The following FBN2 variants were observed in gnomAD, a reference collection of about 807,000 sequenced individuals.
The protein encoded by FBN2 is fibrillin-2.
FBN2 carries 105 observed loss-of-function variants against 355.6 expected under a neutral mutation model. That is an observed-to-expected ratio of 0.30 (90% CI 0.25 to 0.35). The LOEUF is 0.35. FBN2 is among the 10% of genes least tolerant of loss of function. FBN2 has a pLI of 1.00. For missense variants in FBN2, 3,280 were observed against 3,758.7 expected, an observed-to-expected ratio of 0.87 and a Z score of 3.33; for synonymous variants, 1,350 against 1,301.2, an observed-to-expected ratio of 1.04 and a Z score of -0.81.
At chr5:128,449,566 T>C (rs761411350) in intron 6 of FBN2, among the ~76,000 whole-genome samples, 2 of 151,006 alleles carry the variant, frequency 1.3e-5, no homozygotes, top group Non-Finnish European at 3.0e-5. Context: ...ATATAGCTAA[T>C]AATCCAACTG....
intron 15 of FBN2, among the ~76,000 whole-genome samples, chr5:128,370,560 T>A (rs550914983): frequency 2.0e-5 from 3 of 152,154 alleles, no homozygotes; most frequent in Admixed American, 1.3e-4. Context: ...TGGCAGTGTA[T>A]CTTCTGAGTT....
At chr5:128,433,971 T>C (rs1203186536) in intron 7 of FBN2, among the ~76,000 whole-genome samples, 1 of 152,148 alleles carries the variant, frequency 6.6e-6, no homozygotes, top group African/African-American at 2.4e-5. Flanking sequence ...TGTTTATTTA[T>C]ATTGATTTTG....
Position 128,419,876 on chromosome 5 carries a change from G to T in FBN2, c.953-11077C>A, listed in dbSNP as rs146720240. 6.5e-3 allele frequency among the ~76,000 whole-genome samples: 991 copies of T among 152,170 alleles called. 8 individuals carry two copies. Among genetic ancestry groups the T allele is most frequent in the African/African-American group, 0.022 (932 of 41,520 alleles). The stretch of plus-strand genomic sequence containing the variant: ...ATGCCTGGCTAATTTTGTATTTTTA[G>T]TAGAGATGAGGTTTCTCCATGTTGG... On this transcript the variant is annotated intron_variant, in intron 7 of 64. Coordinates refer to ENST00000262464, the MANE Select transcript of FBN2 (RefSeq NM_001999.4).
chr5:128,312,243 G>T (rs1261903230), intron 37 of FBN2, among the ~76,000 whole-genome samples: 1 of 152,094 alleles, frequency 6.6e-6, no homozygotes, highest in African/African-American at 2.4e-5. Flanking sequence ...ACAGGCTTTG[G>T]TTCATGTTCA....
chr5:128,276,704 C>T (rs1765402595), intron 58 of FBN2, among the ~76,000 whole-genome samples: 1 of 152,140 alleles, frequency 6.6e-6, no homozygotes, highest in African/African-American at 2.4e-5. Context: ...TCCTCAACTC[C>T]CTCCCTGCAA....
rs760578376 is a variant in FBN2 at position 128,357,423 on chromosome 5, T to C, written c.2555-28A>G. ...ACAATCCAGAAGGAAAAGATTCTGT[T>C]AGAACTGCCATGTGTTTCTGGAAAA... is the stretch of plus-strand genomic sequence containing the variant. On this transcript the variant is annotated intron_variant, in intron 19 of 64. Coordinates refer to ENST00000262464, the MANE Select transcript of FBN2 (RefSeq NM_001999.4). The C allele has an allele frequency of 4.3e-6, 7 of 1,613,374 alleles. No individual in the cohort carries two copies. In the African/African-American group the frequency reaches 8.0e-5, roughly 18 times the overall value.
At chr5:128,459,825 G>A (rs550293582) in intron 6 of FBN2, among the ~76,000 whole-genome samples, 1 of 152,000 alleles carries the variant, frequency 6.6e-6, no homozygotes, top group African/African-American at 2.4e-5. Context: ...AAAATAATAA[G>A]AGCTATTTAT....
In FBN2 at chr5:128,263,153, A is replaced by G. The variant is rs546719478; in HGVS notation, c.8192+272T>C. 8.1e-4 allele frequency among the ~76,000 whole-genome samples: 123 copies of G among 152,336 alleles called. 1 individual carries two copies. In the South Asian group the frequency reaches 0.025, roughly 31 times the overall value. ...CTGTTTGTCTCTGGCCTTGGGTCAA[A>G]TTGAATCAATTCAGGCCCTTAATAA... On this transcript the variant is annotated intron_variant, in intron 63 of 64. Transcript: ENST00000262464.
At position 128,464,787 on chromosome 5, in the gene FBN2, G is replaced by C. The variant is rs375752760; in HGVS notation, c.763C>G (p.Pro255Ala). Residue 255 changes from proline to alanine, a missense_variant, in exon 6 of 65, where the codon CCA becomes GCA. Coordinates refer to ENST00000262464, the MANE Select transcript of FBN2 (RefSeq NM_001999.4). ...RAWGHPCEMC[P>A]AQPQPCRRGF... Reference sequence around the variant, plus strand: ...CGTCGGCAGGGCTGAGGCTGGGCTGGACACATCTCACAGGGATGGCCCCAC... The same window carrying C: ...CGTCGGCAGGGCTGAGGCTGGGCTGCACACATCTCACAGGGATGGCCCCAC... 1 of 1,614,178 alleles carries C rather than the reference G, an allele frequency of 6.2e-7. No individual in the cohort carries two copies. Among genetic ancestry groups the C allele is most frequent in the Non-Finnish European group, 8.5e-7 (1 of 1,180,024 alleles).
intron 5 of FBN2, among the ~76,000 whole-genome samples, chr5:128,483,474 C>A (rs1581336451): frequency 1.3e-5 from 2 of 151,792 alleles, no homozygotes; most frequent in African/African-American, 4.8e-5. Flanking sequence ...TCACAGACAG[C>A]CTTTTGGAAA....
chr5:128,526,146 C>T lies in FBN2; in HGVS notation c.532+1726G>A, dbSNP rs115321654. On this transcript the variant is annotated intron_variant, in intron 4 of 64. Transcript: ENST00000262464. ...TAGAAAGTTATAATTACCATAATCACCTTAACTACAAGACAAACTTGGAAA... is the reference window on the plus strand; with the variant it reads ...TAGAAAGTTATAATTACCATAATCATCTTAACTACAAGACAAACTTGGAAA... 4.4e-3 allele frequency among the ~76,000 whole-genome samples: 673 copies of T among 152,096 alleles called. 5 individuals are homozygous for T. Among genetic ancestry groups the T allele is most frequent in the African/African-American group, 0.016 (649 of 41,502 alleles).
At chr5:128,466,391 A>G (rs1754710701) in intron 5 of FBN2, among the ~76,000 whole-genome samples, 1 of 152,230 alleles carries the variant, frequency 6.6e-6, no homozygotes, top group South Asian at 2.1e-4. Context: ...TATGAGAACA[A>G]AACTACCTAA....
intron 5 of FBN2, among the ~76,000 whole-genome samples, chr5:128,472,416 C>T (rs1238134755): frequency 6.6e-6 from 1 of 152,044 alleles, no homozygotes; most frequent in East Asian, 1.9e-4. Context: ...TTCTGTTTTA[C>T]AAGATAAAAA....
chr5:128,345,393 G>A lies in FBN2; in HGVS notation c.3181C>T (p.Arg1061Ter), dbSNP rs1751147330. 6.2e-7 allele frequency: 1 copy of A among 1,614,098 alleles called. No homozygotes were observed. The highest frequency in any genetic ancestry group is 1.3e-5 in the African/African-American group (1 of 75,036). Reference protein sequence around the residue: ...LCPRGAGFANRGDVLTGRPFY... With the variant: ...LCPRGAGFAN ...GGCCGCCCAGTAAGAACATCCCCTC[G>A]GTTAGCAAAGCCAGCCCCGCGGGGG... The change falls in exon 24 of 65, where the codon CGA becomes TGA. Residue 1061 changes from arginine (R) to a stop codon, truncating the protein, a stop_gained. Transcript: ENST00000262464. LOFTEE classifies it high-confidence loss of function.
intron 8 of FBN2, among the ~76,000 whole-genome samples, chr5:128,407,875 G>GGA (rs1206883622): frequency 6.6e-6 from 1 of 152,142 alleles, no homozygotes; most frequent in Non-Finnish European, 1.5e-5. Context: ...CCTGGTTTGG[G>GGA]GAGAGAGAGA....
At position 128,406,901 on chromosome 5, in the gene FBN2, C is replaced by T. The variant is rs955375043; in HGVS notation, c.1078+1773G>A. On this transcript the variant is annotated intron_variant, in intron 8 of 64. Coordinates refer to ENST00000262464, the MANE Select transcript of FBN2 (RefSeq NM_001999.4). ...TACTACACAGTGAGCCAACTGGCAA[C>T]AGTAACCCTAAAATAGTTTATCTGC... 2.6e-5 allele frequency among the ~76,000 whole-genome samples: 4 copies of T among 152,268 alleles called. No individual in the cohort carries two copies. The East Asian group carries it at 5.8e-4, about 22-fold the overall frequency.
Position 128,312,644 on chromosome 5 carries a change from A to C in FBN2, c.4869T>G (p.Pro1623=). ...AWGNPCETCP[P]VNSTEYYTLC... ...CAGCTTTGTACTTACTGCTATTGACAGGGGGGCATGTCTCACAGGGGTTTC... is the reference window on the plus strand; with the variant it reads ...CAGCTTTGTACTTACTGCTATTGACCGGGGGGCATGTCTCACAGGGGTTTC... The change falls in exon 37 of 65, where the codon CCT becomes CCG. Residue 1623 remains proline, a synonymous_variant. Transcript: ENST00000262464. 6.2e-7 allele frequency: 1 copy of C among 1,613,972 alleles called. No individual in the cohort carries two copies. The highest frequency in any genetic ancestry group is 2.2e-5 in the East Asian group (1 of 44,858).
rs567798905 is a variant in FBN2 at position 128,412,222 on chromosome 5, A to C, written c.953-3423T>G. 3.9e-5 allele frequency among the ~76,000 whole-genome samples: 6 copies of C among 152,328 alleles called. No individual in the cohort carries two copies. The South Asian group carries it at 1.2e-3, about 32-fold the overall frequency. On this transcript the variant is annotated intron_variant, in intron 7 of 64. Coordinates refer to ENST00000262464, the MANE Select transcript of FBN2 (RefSeq NM_001999.4). Reference sequence around the variant, plus strand: ...TGAAGTCTAGAAGTGGTTTCAACCAATGTGTCTTGTTCAGTTTCTGTGAGA... The same window carrying C: ...TGAAGTCTAGAAGTGGTTTCAACCACTGTGTCTTGTTCAGTTTCTGTGAGA...
chr5:128,278,773 T>C lies in FBN2; in HGVS notation c.7207A>G (p.Asn2403Asp), dbSNP rs1204073472. Residue 2403 changes from asparagine to aspartate, a missense_variant, in exon 57 of 65, where the codon AAT becomes GAT. Physicochemically the swap from Asn to Asp is conservative, Grantham distance 23. Coordinates refer to ENST00000262464, the MANE Select transcript of FBN2 (RefSeq NM_001999.4). ...CAGCATTCTGACTTAGTGACGAGAT[T>C]GCGACTACTGGATGCCATTTGACAT... Reference protein sequence around the residue: ...TICQMASSSRNLVTKSECCCD... With the variant: ...TICQMASSSRDLVTKSECCCD... The C allele has an allele frequency of 2.5e-6, 4 of 1,614,140 alleles. No individual in the cohort carries two copies. The South Asian group carries it at 4.4e-5, about 18-fold the overall frequency.
Sources: gnomAD v4.1 joint callset for allele counts (sites outside exome capture counted in the v4.1 genomes callset) on GRCh38, gnomAD v4.1.1 for gene constraint, MANE v1.5 for transcripts, NCBI Gene and HGNC (gene_info 2026-07-23, HGNC 2026-07-21) for gene names.